Variants in GNG7 observed in about 807,000 individuals in gnomAD.
The protein encoded by GNG7 is G protein subunit gamma 7, also known as guanine nucleotide-binding protein G(I)/G(S)/G(O) subunit gamma-7.
GNG7 carries 1 observed loss-of-function variant against 4.0 expected under a neutral mutation model. The ratio of observed to expected loss-of-function variants is 0.25; its 90% CI spans 0.09 to 1.18. The LOEUF (loss-of-function observed/expected upper bound fraction) is 1.18, where lower values mean the gene tolerates loss of function less well. Ranked by LOEUF, GNG7 falls within the 50% of genes most tolerant of loss-of-function variation. The probability of loss-of-function intolerance (pLI) is 0.50; values close to 1 mark genes in which losing one functional copy is unlikely to be tolerated. For missense variants in GNG7, 86 were observed against 91.9 expected (o/e 0.94, Z 0.26); for synonymous variants, 34 against 36.9 (o/e 0.92, Z 0.29).
chr19:2,562,346 C>T (rs1348979721), intron 2 of GNG7, among the ~76,000 whole-genome samples: 2 of 151,040 alleles, frequency 1.3e-5, no homozygotes, highest in African/African-American at 2.4e-5. Flanking sequence ...TGCAGTGGCG[C>T]GATCTCGGCT....
intron 4 of GNG7, among the ~76,000 whole-genome samples, chr19:2,519,580 T>C (rs1978297415): frequency 6.7e-6 from 1 of 148,206 alleles, no homozygotes; most frequent in African/African-American, 2.5e-5. Flanking sequence ...TGTGAGCCAC[T>C]GTGCCTCACA....
intron 2 of GNG7, among the ~76,000 whole-genome samples, chr19:2,556,855 C>T (rs1315736850): frequency 1.3e-5 from 2 of 152,176 alleles, no homozygotes; most frequent in African/African-American, 4.8e-5. Context: ...CCCTGGCATC[C>T]ACCTGCTCCG....
chr19:2,678,206 A>C (rs1983641759), intron 1 of GNG7, among the ~76,000 whole-genome samples: 1 of 152,086 alleles, frequency 6.6e-6, no homozygotes, highest in Non-Finnish European at 1.5e-5. Context: ...GAAACAAGAG[A>C]GTGGGTGTGA....
chr19:2,567,182 C>T (rs893437038), intron 2 of GNG7, among the ~76,000 whole-genome samples: 1 of 151,882 alleles, frequency 6.6e-6, no homozygotes, highest in Non-Finnish European at 1.5e-5. Flanking sequence ...AAAACCCACA[C>T]TGTCCATCAT....
intron 3 of GNG7, among the ~76,000 whole-genome samples, chr19:2,535,325 CAA>C (rs10606231): frequency 0.34 from 43,421 of 125,894 alleles, 7,035 homozygotes; most frequent in East Asian, 0.52. Flanking sequence ...CTTGACTCTA[CAA>C]AAAAAAAAAA....
rs543579576 is a variant in GNG7, at chr19:2,636,196, C to T, written c.-78+10028G>A. ...TAACTCCAGCTCCTGGGATTCACCT[C>T]CTCTCTCCCTCCCACTCAGGGGGTG... is the stretch of plus-strand genomic sequence containing the variant. On this transcript the variant is annotated intron_variant, in intron 2 of 4. Coordinates refer to ENST00000382159, the MANE Select transcript of GNG7 (RefSeq NM_052847.3). Among the ~76,000 whole-genome samples, 874 of 152,308 alleles carry T rather than the reference C, an allele frequency of 5.7e-3. 5 individuals are homozygous for T. Among genetic ancestry groups the T allele is most frequent in the African/African-American group, 0.02 (815 of 41,552 alleles).
At chr19:2,539,662 C>T (rs552898374) in intron 3 of GNG7, among the ~76,000 whole-genome samples, 27 of 152,222 alleles carry the variant, frequency 1.8e-4, no homozygotes, top group Non-Finnish European at 1.5e-4. Context: ...ACACCTGACA[C>T]GGTCCCAGTG....
intron 1 of GNG7, among the ~76,000 whole-genome samples, chr19:2,700,112 AT>A (rs1200011937): frequency 1.3e-5 from 2 of 148,770 alleles, no homozygotes; most frequent in Non-Finnish European, 3.0e-5. Context: ...AATAAGACAT[AT>A]TTTTGTTGTT....
intron 2 of GNG7, among the ~76,000 whole-genome samples, chr19:2,629,244 A>G (rs1422327991): frequency 6.6e-6 from 1 of 152,154 alleles, no homozygotes. Context: ...ATATTGGGAG[A>G]TGGGTTATGT....
At chr19:2,545,096 CAG>C (rs1979081597) in intron 3 of GNG7, among the ~76,000 whole-genome samples, 1 of 152,064 alleles carries the variant, frequency 6.6e-6, no homozygotes, top group Non-Finnish European at 1.5e-5. Flanking sequence ...TCATGGGACG[CAG>C]AGTCTCTTGG....
chr19:2,530,726 G>A (rs1458623255), intron 3 of GNG7, among the ~76,000 whole-genome samples: 1 of 152,072 alleles, frequency 6.6e-6, no homozygotes, highest in Non-Finnish European at 1.5e-5. Context: ...TCTCAAAAAA[G>A]AAAGAAAAGC....
At chr19:2,655,611 G>A (rs1261991597) in intron 1 of GNG7, among the ~76,000 whole-genome samples, 3 of 151,874 alleles carry the variant, frequency 2.0e-5, no homozygotes, top group Non-Finnish European at 4.4e-5. Flanking sequence ...GGCTGAGGTG[G>A]GCGGCTCACA....
rs550560848 is a variant in GNG7 at position 2,633,401 on chromosome 19, G to A, written c.-78+12823C>T. Among the ~76,000 whole-genome samples, 17 of 152,204 alleles carry A rather than the reference G, an allele frequency of 1.1e-4. No homozygotes were observed. The highest frequency in any genetic ancestry group is 2.1e-4 in the South Asian group (1 of 4,826). ...GCGGCCAAGGCTCGATGAATCTGCCGATGACCAAGTTGGTGCCTCATCCCT... is the reference window on the plus strand; with the variant it reads ...GCGGCCAAGGCTCGATGAATCTGCCAATGACCAAGTTGGTGCCTCATCCCT... On this transcript the variant is annotated intron_variant, in intron 2 of 4. Coordinates refer to ENST00000382159, the MANE Select transcript of GNG7 (RefSeq NM_052847.3). The surrounding 1 kb of genome is among the most constrained non-coding windows in gnomAD (Gnocchi z 5.9).
chr19:2,568,422 A>G (rs1171035273), intron 2 of GNG7, among the ~76,000 whole-genome samples: 3 of 148,256 alleles, frequency 2.0e-5, no homozygotes, highest in African/African-American at 7.5e-5. Flanking sequence ...ACATAGACAT[A>G]CACACATACA....
chr19:2,693,353 T>G (rs1341025376), intron 1 of GNG7, among the ~76,000 whole-genome samples: 1 of 145,852 alleles, frequency 6.9e-6, no homozygotes, highest in African/African-American at 2.6e-5. Flanking sequence ...GAGGTGGAGG[T>G]TGCAGTGAGC....
rs192403085 is a variant in GNG7 at position 2,696,560 on chromosome 19, G to A, written c.-135+6086C>T. Among the ~76,000 whole-genome samples, 16 of 152,304 alleles carry A rather than the reference G, an allele frequency of 1.1e-4. No homozygotes were observed. The East Asian group carries it at 1.2e-3, about 11-fold the overall frequency. On this transcript the variant is annotated intron_variant, in intron 1 of 4. Coordinates refer to ENST00000382159, the MANE Select transcript of GNG7 (RefSeq NM_052847.3). ...CCATTGCCCAAAGGCAAAAGCGGCC[G>A]AGCGTGTGTTGCTGAATGGATGGAT... is the stretch of plus-strand genomic sequence containing the variant.
rs553643369 is a variant in GNG7 at position 2,582,488 on chromosome 19, A to T, written c.-77-27300T>A. 5.4e-5 allele frequency among the ~76,000 whole-genome samples: 8 copies of T among 147,090 alleles called. No homozygotes were observed. The South Asian group carries it at 1.1e-3, about 20-fold the overall frequency. On this transcript the variant is annotated intron_variant, in intron 2 of 4. Coordinates refer to ENST00000382159, the MANE Select transcript of GNG7 (RefSeq NM_052847.3). ...CTGTTACTTTTAGCCTTTAAATGAC[A>T]ATTTTTTTTTTTGAGACAGGGTCTT... is the stretch of plus-strand genomic sequence containing the variant.
At chr19:2,669,248 T>G (rs1308307058) in intron 1 of GNG7, among the ~76,000 whole-genome samples, 2 of 152,118 alleles carry the variant, frequency 1.3e-5, no homozygotes, top group Non-Finnish European at 2.9e-5. Flanking sequence ...TCCCAGCACT[T>G]TGGGAGGCTA....
At chr19:2,686,995 GC>G (rs1435393722) in intron 1 of GNG7, among the ~76,000 whole-genome samples, 5 of 150,522 alleles carry the variant, frequency 3.3e-5, no homozygotes, top group Non-Finnish European at 7.4e-5. Flanking sequence ...CTCGTGATCC[GC>G]CCGCCTCGGC....
Sources: allele counts gnomAD v4.1 joint callset (sites outside exome capture counted in the v4.1 genomes callset), GRCh38; gene constraint gnomAD v4.1.1; non-coding constraint Gnocchi (gnomAD v3.1); transcripts MANE v1.5; gene names NCBI Gene and HGNC (gene_info 2026-07-23, HGNC 2026-07-21).